The following KIAA1958 variants were observed in gnomAD, a reference collection of about 807,000 sequenced individuals.
The protein encoded by KIAA1958 is KIAA1958, also known as uncharacterized protein KIAA1958.
In KIAA1958, 14 loss-of-function variants were observed where a neutral mutation model predicts 47.2. That is an observed-to-expected ratio of 0.30 (90% CI 0.20 to 0.46). KIAA1958 has a LOEUF of 0.46. Ranked by LOEUF, KIAA1958 falls within the 20% of genes least tolerant of loss-of-function variation. KIAA1958 has a pLI of 1.00. For synonymous variants in KIAA1958, 354 were observed against 353.3 expected (o/e 1.00, Z -0.02); for missense variants, 803 against 909.2 (o/e 0.88, Z 1.50).
intron 1 of KIAA1958, among the ~76,000 whole-genome samples, chr9:112,497,915 T>G (rs1157043177): frequency 6.6e-6 from 1 of 152,152 alleles, no homozygotes; most frequent in Non-Finnish European, 1.5e-5. Context: ...AAGTAGTTTT[T>G]TTGTTGTTGT....
intron 2 of KIAA1958, among the ~76,000 whole-genome samples, chr9:112,631,537 A>G (rs1157069783): frequency 1.6e-4 from 3 of 19,322 alleles, no homozygotes; most frequent in African/African-American, 4.6e-4. Flanking sequence ...TCTCAAAGAA[A>G]AAAAAAAAAA....
At chr9:112,625,261 C>T (rs536183055) in intron 2 of KIAA1958, among the ~76,000 whole-genome samples, 1 of 152,296 alleles carries the variant, frequency 6.6e-6, no homozygotes, top group Non-Finnish European at 1.5e-5. Context: ...AAGCAATCCT[C>T]CCAACTCAAC....
chr9:112,570,429 G>A (rs1835512162), intron 1 of KIAA1958, among the ~76,000 whole-genome samples: 1 of 152,178 alleles, frequency 6.6e-6, no homozygotes, highest in Non-Finnish European at 1.5e-5. Context: ...TTGGAGGGTG[G>A]TTGTGGTCTA....
At chr9:112,633,205 C>CT (rs757103610) in intron 2 of KIAA1958, among the ~76,000 whole-genome samples, 3,027 of 140,690 alleles carry the variant, frequency 0.022, 45 homozygotes, top group African/African-American at 0.047. Flanking sequence ...TGTTATGATA[C>CT]TTTTTTTTTT....
Position 112,618,080 on chromosome 9 carries a change from GA to G in KIAA1958, c.1172-27568del. ...CAGGCAGAAGGATGGGTCCGAATAC[GA>G]ACCCAACAGCTTGGCCAATTACCAG... On this transcript the variant is annotated intron_variant, in intron 2 of 3. Coordinates refer to ENST00000337530, the MANE Select transcript of KIAA1958 (RefSeq NM_133465.4). The surrounding 1 kb of genome is among the most constrained non-coding windows in gnomAD (Gnocchi z 7.1). The G allele has an allele frequency of 6.4e-7, 1 of 1,550,538 alleles. No individual in the cohort carries two copies. The highest frequency in any genetic ancestry group is 8.7e-7 in the Non-Finnish European group (1 of 1,146,994).
intron 1 of KIAA1958, among the ~76,000 whole-genome samples, chr9:112,550,601 A>G (rs1265581301): frequency 6.6e-6 from 1 of 152,196 alleles, no homozygotes; most frequent in Non-Finnish European, 1.5e-5. Flanking sequence ...CAGTGCAGGG[A>G]AAAGGCAGAC....
intron 1 of KIAA1958, among the ~76,000 whole-genome samples, chr9:112,530,187 G>GTCATAATTTAT (rs1834730798): frequency 3.3e-5 from 5 of 152,108 alleles, no homozygotes; most frequent in Admixed American, 3.3e-4. Context: ...TAAATTATTT[G>GTCATAATTTAT]GCATTCTTCT....
chr9:112,644,461 A>G (rs745647388), intron 2 of KIAA1958, among the ~76,000 whole-genome samples: 24 of 152,328 alleles, frequency 1.6e-4, no homozygotes, highest in Non-Finnish European at 2.8e-4. Flanking sequence ...ACATTCATCA[A>G]TAGTCCAGAG....
At chr9:112,561,201 C>T (rs1835322845) in intron 1 of KIAA1958, among the ~76,000 whole-genome samples, 2 of 151,796 alleles carry the variant, frequency 1.3e-5, no homozygotes, top group African/African-American at 2.4e-5. Context: ...ACTACAGGCA[C>T]CCACCACCAC....
intron 2 of KIAA1958, among the ~76,000 whole-genome samples, chr9:112,590,596 C>A (rs1008389036): frequency 1.3e-5 from 2 of 152,134 alleles, no homozygotes; most frequent in African/African-American, 4.8e-5. Flanking sequence ...AGGTGATCCA[C>A]CCGCTTGGGC....
chr9:112,500,983 C>A (rs1010885981), intron 1 of KIAA1958, among the ~76,000 whole-genome samples: 3 of 151,392 alleles, frequency 2.0e-5, no homozygotes, highest in African/African-American at 7.3e-5. Context: ...TGGTTGCATG[C>A]ACCTGTGGTC....
At chr9:112,500,132 C>T (rs890158585) in intron 1 of KIAA1958, among the ~76,000 whole-genome samples, 18 of 152,140 alleles carry the variant, frequency 1.2e-4, no homozygotes, top group Admixed American at 7.8e-4. Flanking sequence ...GACAGTGTCT[C>T]GCTCTGTCGC....
chr9:112,640,864 A>G (rs781368225), intron 2 of KIAA1958, among the ~76,000 whole-genome samples: 2 of 152,106 alleles, frequency 1.3e-5, no homozygotes, highest in Non-Finnish European at 2.9e-5. Flanking sequence ...TCTATACATC[A>G]TGGCTTCTTT....
intron 1 of KIAA1958, among the ~76,000 whole-genome samples, chr9:112,550,767 G>C (rs1395896239): frequency 1.3e-5 from 2 of 152,090 alleles, no homozygotes; most frequent in Non-Finnish European, 2.9e-5. Flanking sequence ...GTTTTTATTT[G>C]TCAGTCATGT....
intron 2 of KIAA1958, among the ~76,000 whole-genome samples, chr9:112,591,573 C>G (rs918858827): frequency 6.6e-6 from 1 of 151,462 alleles, no homozygotes; most frequent in African/African-American, 2.4e-5. Flanking sequence ...ATGTAACTGT[C>G]ATGTTAGACT....
intron 1 of KIAA1958, among the ~76,000 whole-genome samples, chr9:112,493,532 C>G (rs902405407): frequency 6.6e-6 from 1 of 152,198 alleles, no homozygotes; most frequent in Admixed American, 6.5e-5. Context: ...TCAGTCAGTT[C>G]TTGCTGCCCA....
chr9:112,665,265 A>T lies in KIAA1958; in HGVS notation c.*5196A>T, dbSNP rs1384567678. On this transcript the variant is annotated 3_prime_UTR_variant, in exon 4 of 4. Coordinates refer to ENST00000337530, the MANE Select transcript of KIAA1958 (RefSeq NM_133465.4). The stretch of plus-strand genomic sequence containing the variant: ...TTTAACTGTGGTTATTGTTACATCT[A>T]CTGATTTTTTCAAATAAAAATTTCT... 1.3e-5 allele frequency: 2 copies of T among 152,156 alleles called. No individual in the cohort carries two copies. Among genetic ancestry groups the T allele is most frequent in the Admixed American group, 1.3e-4 (2 of 15,274 alleles). The allele number at this position is 152,156 out of a possible 1,614,324, so 9.4% of individuals were successfully genotyped here.
intron 2 of KIAA1958, among the ~76,000 whole-genome samples, chr9:112,637,576 C>T (rs1288691961): frequency 6.6e-6 from 1 of 151,958 alleles, no homozygotes; most frequent in African/African-American, 2.4e-5. Context: ...TGGCTGTTCA[C>T]CATGTTGGCC....
At chr9:112,495,965 A>G (rs562771805) in intron 1 of KIAA1958, among the ~76,000 whole-genome samples, 6 of 152,282 alleles carry the variant, frequency 3.9e-5, no homozygotes, top group Admixed American at 3.3e-4. Context: ...GTGCCCAGCC[A>G]ATGACCAGTA....
Sources: allele counts gnomAD v4.1 joint callset (sites outside exome capture counted in the v4.1 genomes callset), GRCh38; gene constraint gnomAD v4.1.1; non-coding constraint Gnocchi (gnomAD v3.1); transcripts MANE v1.5; gene names NCBI Gene and HGNC (gene_info 2026-07-23, HGNC 2026-07-21).